The following AFF3 variants were observed in gnomAD, a reference collection of about 807,000 sequenced individuals.
The protein encoded by AFF3 is AF4/FMR2 family member 3.
In AFF3, 32 loss-of-function variants were observed where a neutral mutation model predicts 129.7. The observed-to-expected ratio is 0.25, with a 90% CI of 0.19 to 0.33. AFF3 has a LOEUF of 0.33. AFF3 is among the 10% of genes least tolerant of loss of function. The probability of loss-of-function intolerance (pLI) is 1.00; values close to 1 mark genes in which losing one functional copy is unlikely to be tolerated. For missense variants in AFF3, 1,373 were observed against 1,592.0 expected, an observed-to-expected ratio of 0.86 and a Z score of 2.34; for synonymous variants, 644 against 635.4, an observed-to-expected ratio of 1.01 and a Z score of -0.20.
chr2:99,641,889 G>A (rs1684233261), intron 13 of AFF3, among the ~76,000 whole-genome samples: 1 of 152,020 alleles, frequency 6.6e-6, no homozygotes, highest in Admixed American at 6.6e-5. Context: ...CCAGCGTTGT[G>A]GTATACTCAG....
At chr2:99,814,237 C>G (rs544358252) in intron 8 of AFF3, among the ~76,000 whole-genome samples, 12 of 151,958 alleles carry the variant, frequency 7.9e-5, no homozygotes, top group African/African-American at 2.9e-4. Context: ...CACAAACCAC[C>G]ACCACCACCA....
chr2:99,739,614 C>G (rs1437673789), intron 10 of AFF3, among the ~76,000 whole-genome samples: 4 of 151,668 alleles, frequency 2.6e-5, no homozygotes, highest in Admixed American at 2.0e-4. Context: ...AGCAAACGAT[C>G]TACCTTTTAA....
At position 99,846,091 on chromosome 2, in the gene AFF3, C is replaced by T. The variant is rs1427134742; in HGVS notation, c.874-8567G>A. ...TCGTGATCCACCTGCCTCAGCCTCC[C>T]AAAGTGCTGGGATTACAGGCGTGAG... On this transcript the variant is annotated intron_variant, in intron 7 of 24. Transcript: ENST00000672756. Among the ~76,000 whole-genome samples, 3 of 151,864 alleles carry T rather than the reference C, an allele frequency of 2.0e-5. No homozygotes were observed. The East Asian group carries it at 5.8e-4, about 30-fold the overall frequency.
At chr2:99,857,378 T>C (rs1345966723) in intron 7 of AFF3, among the ~76,000 whole-genome samples, 1 of 152,228 alleles carries the variant, frequency 6.6e-6, no homozygotes, top group East Asian at 1.9e-4. Flanking sequence ...ATAATTATGC[T>C]GATTATCAAA....
At chr2:99,828,623 C>T (rs896323950) in intron 8 of AFF3, among the ~76,000 whole-genome samples, 5 of 152,204 alleles carry the variant, frequency 3.3e-5, no homozygotes, top group Non-Finnish European at 7.3e-5. Context: ...CTGAAACCAG[C>T]AAGGCTTTTG....
At chr2:100,038,253 T>G (rs1231836163) in intron 4 of AFF3, among the ~76,000 whole-genome samples, 1 of 151,914 alleles carries the variant, frequency 6.6e-6, no homozygotes, top group Non-Finnish European at 1.5e-5. Context: ...AGCGCTAAAG[T>G]CGCTGTCTGG....
At chr2:99,860,123 A>G (rs756208517) in intron 7 of AFF3, among the ~76,000 whole-genome samples, 82 of 152,314 alleles carry the variant, frequency 5.4e-4, no homozygotes, top group South Asian at 1.7e-3. Context: ...TTATATTAAA[A>G]TATTTAATTG....
chr2:99,705,012 C>G (rs1363421536), intron 11 of AFF3, among the ~76,000 whole-genome samples: 2 of 152,176 alleles, frequency 1.3e-5, no homozygotes, highest in Admixed American at 1.3e-4. Flanking sequence ...AAAACCAAAA[C>G]AGACCCAAGG....
intron 17 of AFF3, 142 bp downstream of exon 17, chr2:99,582,656 G>T: frequency 1.2e-6 from 1 of 828,432 alleles, no homozygotes; most frequent in Non-Finnish European, 1.9e-6. Context: ...GTCCTCTGTT[G>T]GGTCTTCCTA....
chr2:100,114,761 A>G (rs1187863180), intron 2 of AFF3, among the ~76,000 whole-genome samples: 1 of 152,190 alleles, frequency 6.6e-6, no homozygotes, highest in East Asian at 1.9e-4. Context: ...CTGGAGTCAC[A>G]AGGACTAGAT....
At chr2:100,105,175 C>T in intron 3 of AFF3, 1 of 421,940 alleles carries the variant, frequency 2.4e-6, no homozygotes, top group Non-Finnish European at 3.2e-6. Flanking sequence ...CCCGCCCGGC[C>T]TTGCCCGGGC....
chr2:99,962,226 T>C (rs1223106869), intron 7 of AFF3, among the ~76,000 whole-genome samples: 2 of 152,090 alleles, frequency 1.3e-5, no homozygotes. Flanking sequence ...CAGCGCAAGA[T>C]AAACCAAGCA....
At chr2:99,819,912 C>T (rs1313987495) in intron 8 of AFF3, among the ~76,000 whole-genome samples, 1 of 152,206 alleles carries the variant, frequency 6.6e-6, no homozygotes, top group Non-Finnish European at 1.5e-5. Context: ...TGTTGTTGCT[C>T]TTACTGGGGG....
At chr2:99,843,452 C>T (rs1374695402) in intron 7 of AFF3, among the ~76,000 whole-genome samples, 1 of 152,212 alleles carries the variant, frequency 6.6e-6, no homozygotes. Flanking sequence ...AATACACAAA[C>T]AGCCAGGGCT....
At chr2:99,744,792 G>A (rs1229754481) in intron 9 of AFF3, among the ~76,000 whole-genome samples, 1 of 152,034 alleles carries the variant, frequency 6.6e-6, no homozygotes, top group African/African-American at 2.4e-5. Flanking sequence ...TCTGTTAATG[G>A]GTATTTGGGC....
At chr2:99,916,926 T>A (rs111706505) in intron 7 of AFF3, among the ~76,000 whole-genome samples, 1 of 152,130 alleles carries the variant, frequency 6.6e-6, no homozygotes. Flanking sequence ...TGGCATCTCC[T>A]TGGTGAGCTA....
chr2:99,705,636 G>A (rs1677286880), intron 11 of AFF3, among the ~76,000 whole-genome samples: 1 of 152,044 alleles, frequency 6.6e-6, no homozygotes, highest in Non-Finnish European at 1.5e-5. Flanking sequence ...CACTTTGGGA[G>A]GCCAAGGTGG....
At chr2:99,809,072 T>G (rs1576047755) in intron 8 of AFF3, among the ~76,000 whole-genome samples, 1 of 152,232 alleles carries the variant, frequency 6.6e-6, no homozygotes, top group African/African-American at 2.4e-5. Flanking sequence ...GAGAGGAAGG[T>G]GCACTCTTAC....
chr2:99,669,356 C>T (rs1387628725), intron 12 of AFF3, among the ~76,000 whole-genome samples: 2 of 152,148 alleles, frequency 1.3e-5, no homozygotes, highest in Admixed American at 1.3e-4. Flanking sequence ...TTATGGCATA[C>T]ACACATAATG....
Sources: allele counts gnomAD v4.1 joint callset (sites outside exome capture counted in the v4.1 genomes callset), GRCh38; gene constraint gnomAD v4.1.1; transcripts MANE v1.5; gene names NCBI Gene and HGNC (gene_info 2026-07-23, HGNC 2026-07-21).